The following RNF144A variants were observed in gnomAD, a reference collection of about 807,000 sequenced individuals.
RNF144A encodes ring finger protein 144A.
In RNF144A, 11 loss-of-function variants were observed where a neutral mutation model predicts 38.7. The ratio of observed to expected loss-of-function variants is 0.28; its 90% CI spans 0.18 to 0.47. RNF144A has a LOEUF of 0.47. Ranked by LOEUF, RNF144A falls within the 20% of genes least tolerant of loss-of-function variation. RNF144A has a pLI of 0.99. For synonymous variants in RNF144A, 149 were observed against 143.9 expected (o/e 1.04, Z -0.25); for missense variants, 316 against 377.2 (o/e 0.84, Z 1.34).
intron 7 of RNF144A, among the ~76,000 whole-genome samples, chr2:7,025,957 T>C (rs1015658191): frequency 6.6e-6 from 1 of 152,170 alleles, no homozygotes; most frequent in African/African-American, 2.4e-5. Context: ...GACTGTTCTT[T>C]CTTATGAGTG....
downstream of RNF144A, among the ~76,000 whole-genome samples, chr2:7,069,225 C>G (rs888539147): frequency 6.6e-6 from 1 of 152,248 alleles, no homozygotes; most frequent in Non-Finnish European, 1.5e-5. Context: ...TTGCCTCCCA[C>G]TGTCTCCTGC....
At position 7,040,601 on chromosome 2, in the gene RNF144A, G is replaced by C. The variant is rs932038417; in HGVS notation, c.*841G>C. 76 of 985,202 alleles carry C rather than the reference G, an allele frequency of 7.7e-5. No homozygotes were observed. Among genetic ancestry groups the C allele is most frequent in the Non-Finnish European group, 8.7e-5 (72 of 829,856 alleles). 61.0% of individuals were successfully genotyped at this position (985,202 alleles called of 1,614,324 possible). On this transcript the variant is annotated 3_prime_UTR_variant, in exon 9 of 9. Transcript: ENST00000320892. The stretch of plus-strand genomic sequence containing the variant: ...CCTTCTCTCCCAGGTAGCAGAAAAC[G>C]CTTTTTATTGTATTCAATCCCACTG...
At chr2:6,996,810 G>C in intron 2 of RNF144A, 106 bp from the exon 3 acceptor site, 1 of 1,183,712 alleles carries the variant, frequency 8.4e-7, no homozygotes, top group Non-Finnish European at 1.2e-6. Context: ...TCAGCAGTCA[G>C]TTGGCCACCT....
chr2:6,922,766 A>G (rs1664619644), intron 1 of RNF144A, among the ~76,000 whole-genome samples: 1 of 151,592 alleles, frequency 6.6e-6, no homozygotes, highest in South Asian at 2.1e-4. Context: ...CTGGGACTAC[A>G]GGCGCCCGCC....
At chr2:6,984,145 C>G (rs1668808071) in intron 2 of RNF144A, among the ~76,000 whole-genome samples, 3 of 152,148 alleles carry the variant, frequency 2.0e-5, no homozygotes, top group African/African-American at 7.2e-5. Context: ...ACTGAGCCCG[C>G]ATAGTTCACA....
rs1005396842 is a variant in RNF144A, at chr2:6,941,096, C to T, written c.-63C>T. 1.4e-4 allele frequency: 22 copies of T among 152,152 alleles called. No homozygotes were observed. The highest frequency in any genetic ancestry group is 1.5e-5 in the Non-Finnish European group (1 of 68,038). 9.4% of individuals were successfully genotyped at this position (152,152 alleles called of 1,614,324 possible). On this transcript the variant is annotated 5_prime_UTR_variant, in exon 2 of 9. Coordinates refer to ENST00000320892, the MANE Select transcript of RNF144A (RefSeq NM_014746.6). This position sits in a 1 kb window ranked among gnomAD's most constrained non-coding sequence, Gnocchi z 6.5. The stretch of plus-strand genomic sequence containing the variant: ...GAGTGTGTATAAGCACAGCAGGACA[C>T]CAGGACCTGGCCTGAAGACATTTCC...
chr2:6,950,574 A>G (rs550879323), intron 2 of RNF144A, among the ~76,000 whole-genome samples: 1 of 152,334 alleles, frequency 6.6e-6, no homozygotes, highest in South Asian at 2.1e-4. Flanking sequence ...CTGGGCCTGA[A>G]AAATAAAAGC....
At chr2:7,027,326 T>C (rs1454833236) in intron 7 of RNF144A, among the ~76,000 whole-genome samples, 1 of 152,118 alleles carries the variant, frequency 6.6e-6, no homozygotes, top group Non-Finnish European at 1.5e-5. Flanking sequence ...ACATGTGCAG[T>C]TTCTTTCTTT....
chr2:7,000,560 C>G (rs1355131953), intron 3 of RNF144A, among the ~76,000 whole-genome samples: 1 of 152,126 alleles, frequency 6.6e-6, no homozygotes, highest in Non-Finnish European at 1.5e-5. Context: ...TGGCATTTGA[C>G]AGTTACACTG....
chr2:6,917,884 T>A lies in RNF144A; in HGVS notation c.-212+262T>A, dbSNP rs1338265241. Among the ~76,000 whole-genome samples, 4 of 151,132 alleles carry A rather than the reference T, an allele frequency of 2.6e-5. No homozygotes were observed. The highest frequency in any genetic ancestry group is 9.7e-5 in the African/African-American group (4 of 41,276). On this transcript the variant is annotated intron_variant, in intron 1 of 8. Coordinates refer to ENST00000320892, the MANE Select transcript of RNF144A (RefSeq NM_014746.6). The surrounding 1 kb of genome is among the most constrained non-coding windows in gnomAD (Gnocchi z 4.8). ...TCCCTGCTCTGCTCCTGCCCTGCCCTGCCTCTCGCAGGCGGCGCCCGCGCC... is the reference window on the plus strand; with the variant it reads ...TCCCTGCTCTGCTCCTGCCCTGCCCAGCCTCTCGCAGGCGGCGCCCGCGCC...
At chr2:7,019,595 G>C (rs1303972418) in intron 5 of RNF144A, among the ~76,000 whole-genome samples, 2 of 152,228 alleles carry the variant, frequency 1.3e-5, no homozygotes, top group African/African-American at 4.8e-5. Context: ...ACTGGCCTGG[G>C]AGAGCTTTCT....
intron 8 of RNF144A, among the ~76,000 whole-genome samples, chr2:7,039,049 GGAGA>G (rs1205265866): frequency 4.0e-5 from 6 of 151,788 alleles, no homozygotes; most frequent in African/African-American, 1.4e-4. Context: ...GTGGATGGAT[GGAGA>G]GAGAGATGTA....
chr2:6,991,832 A>G (rs1282384708), intron 2 of RNF144A, among the ~76,000 whole-genome samples: 1 of 152,132 alleles, frequency 6.6e-6, no homozygotes, highest in Non-Finnish European at 1.5e-5. Flanking sequence ...ACATATATAT[A>G]TGTATATATA....
In RNF144A at chr2:6,941,265, G is replaced by C. The variant is rs1423369082; in HGVS notation, c.-12+118G>C. On this transcript the variant is annotated intron_variant, in intron 2 of 8. Transcript: ENST00000320892. This position sits in a 1 kb window ranked among gnomAD's most constrained non-coding sequence, Gnocchi z 6.5. ...TGCCTGGGTGGATTTTTCTATACCTGTTAAGCCATACCATAAAGGCAATTT... is the reference window on the plus strand; with the variant it reads ...TGCCTGGGTGGATTTTTCTATACCTCTTAAGCCATACCATAAAGGCAATTT... 6.6e-6 allele frequency: 1 copy of C among 152,212 alleles called. No homozygotes were observed. Among genetic ancestry groups the C allele is most frequent in the East Asian group, 1.9e-4 (1 of 5,198 alleles). 9.4% of individuals were successfully genotyped at this position (152,212 alleles called of 1,614,324 possible).
At chr2:7,003,905 T>C (rs1388199616) in intron 3 of RNF144A, among the ~76,000 whole-genome samples, 1 of 152,274 alleles carries the variant, frequency 6.6e-6, no homozygotes, top group Non-Finnish European at 1.5e-5. Context: ...TGTTTGGCTA[T>C]TGTGTGGGGA....
the RNF144A span, among the ~76,000 whole-genome samples, chr2:7,073,913 G>A: frequency 2.0e-5 from 3 of 152,194 alleles, no homozygotes. Flanking sequence ...TCTTTTTTGA[G>A]CATATTCCCC....
intron 3 of RNF144A, among the ~76,000 whole-genome samples, chr2:7,012,561 GA>G (rs2103416321): frequency 6.6e-6 from 1 of 152,302 alleles, no homozygotes; most frequent in South Asian, 2.1e-4. Flanking sequence ...AAGTTCCACT[GA>G]TCTGCCAACT....
intron 1 of RNF144A, 149 bp from the exon 2 acceptor site, chr2:6,940,799 C>T (rs1665916912): frequency 6.6e-6 from 1 of 152,036 alleles, no homozygotes; most frequent in African/African-American, 2.4e-5. Context: ...TCAGTTTTTT[C>T]TCCAGTTTAC....
At chr2:6,928,625 C>G (rs1175320550) in intron 1 of RNF144A, among the ~76,000 whole-genome samples, 2 of 152,192 alleles carry the variant, frequency 1.3e-5, no homozygotes, top group Non-Finnish European at 2.9e-5. Context: ...GGCCTCCGTG[C>G]TCCTCCCTTC....
Sources: gnomAD v4.1 joint callset for allele counts (sites outside exome capture counted in the v4.1 genomes callset) on GRCh38, gnomAD v4.1.1 for gene constraint, Gnocchi (gnomAD v3.1) non-coding constraint, MANE v1.5 for transcripts, NCBI Gene and HGNC (gene_info 2026-07-23, HGNC 2026-07-21) for gene names.